PSMA3: variants seen among roughly 807,000 people sequenced by gnomAD.
PSMA3 encodes the protein proteasome subunit alpha type-3.
In PSMA3, 8 loss-of-function variants were observed where a neutral mutation model predicts 40.0. The ratio of observed to expected loss-of-function variants is 0.20; its 90% CI spans 0.12 to 0.36. PSMA3 has a LOEUF of 0.36. PSMA3 is among the 10% of genes least tolerant of loss of function. The pLI is 1.00. For missense variants in PSMA3, 219 were observed against 310.6 expected (o/e 0.70, Z 2.22); for synonymous variants, 110 against 100.0 (o/e 1.10, Z -0.59).
intron 5 of PSMA3, among the ~76,000 whole-genome samples, chr14:58,259,631 A>G (rs565730558): frequency 6.6e-6 from 1 of 152,250 alleles, no homozygotes; most frequent in South Asian, 2.1e-4. Context: ...TTTTTAGTAA[A>G]CATCTATTGG....
intron 3 of PSMA3, among the ~76,000 whole-genome samples, chr14:58,253,145 C>G (rs1890052138): frequency 6.6e-6 from 1 of 152,004 alleles, no homozygotes; most frequent in Non-Finnish European, 1.5e-5. Flanking sequence ...CTACCATGCC[C>G]AGCTAATTTT....
chr14:58,271,265 A>AC (rs1445631085), intron 10 of PSMA3, among the ~76,000 whole-genome samples: 2 of 151,514 alleles, frequency 1.3e-5, no homozygotes, highest in Non-Finnish European at 2.9e-5. Flanking sequence ...CAAAAAAAAA[A>AC]AACTTGGGAG....
chr14:58,254,565 G>A (rs1199313986), intron 3 of PSMA3, among the ~76,000 whole-genome samples: 5 of 150,970 alleles, frequency 3.3e-5, no homozygotes, highest in Non-Finnish European at 5.9e-5. Flanking sequence ...TGAACTCCTG[G>A]GCTCAAGCGA....
chr14:58,270,807 A>T, intron 9 of PSMA3, 127 bp from the exon 10 acceptor site: 1 of 841,374 alleles, frequency 1.2e-6, no homozygotes, highest in Non-Finnish European at 1.8e-6. Flanking sequence ...TTCGAGTATT[A>T]CTCATAGTAC....
intron 8 of PSMA3, 26 bp downstream of exon 8, chr14:58,267,546 C>T: frequency 6.4e-7 from 1 of 1,557,694 alleles, no homozygotes; most frequent in Non-Finnish European, 8.6e-7. Flanking sequence ...TCTTACCATC[C>T]ACAAAAATAT....
At chr14:58,252,294 G>T (rs1566638546) in intron 3 of PSMA3, 52 bp downstream of exon 3, 8 of 1,576,676 alleles carry the variant, frequency 5.1e-6, no homozygotes, top group Non-Finnish European at 6.9e-6. Flanking sequence ...TTCTTTTGAA[G>T]TAACTGATTG....
intron 7 of PSMA3, chr14:58,266,798 T>C (rs1034126231): frequency 1.3e-5 from 2 of 152,224 alleles, no homozygotes; most frequent in African/African-American, 4.8e-5. Flanking sequence ...CATCTTTCTG[T>C]ATCTTGCATA....
At chr14:58,271,733 C>A in intron 10 of PSMA3, 118 bp from the exon 11 acceptor site, 1 of 700,194 alleles carries the variant, frequency 1.4e-6, no homozygotes, top group Non-Finnish European at 2.5e-6. Flanking sequence ...ACTGTTCATT[C>A]AGTTACAAGT....
At chr14:58,263,015 C>A (rs1258686025) in intron 6 of PSMA3, among the ~76,000 whole-genome samples, 1 of 142,874 alleles carries the variant, frequency 7.0e-6, no homozygotes, top group African/African-American at 2.6e-5. Flanking sequence ...TGGAGTCTCA[C>A]TCTGTTGCCC....
intron 3 of PSMA3, among the ~76,000 whole-genome samples, chr14:58,253,972 T>C (rs1890077381): frequency 6.6e-6 from 1 of 152,000 alleles, no homozygotes; most frequent in Non-Finnish European, 1.5e-5. Flanking sequence ...TTTTTTGTTG[T>C]TGTTGTTGTA....
At chr14:58,260,031 G>A (rs1890236814) in intron 5 of PSMA3, among the ~76,000 whole-genome samples, 2 of 152,196 alleles carry the variant, frequency 1.3e-5, no homozygotes, top group South Asian at 4.1e-4. Flanking sequence ...TGACGGTAGG[G>A]ATGGGAATTG....
At chr14:58,249,948 G>A (rs540292694) in intron 2 of PSMA3, among the ~76,000 whole-genome samples, 2 of 152,290 alleles carry the variant, frequency 1.3e-5, no homozygotes, top group South Asian at 2.1e-4. Context: ...CCTGCTGGGC[G>A]TGAGCCACGC....
chr14:58,261,506 C>G (rs753012453), intron 6 of PSMA3, among the ~76,000 whole-genome samples: 1 of 152,022 alleles, frequency 6.6e-6, no homozygotes, highest in Admixed American at 6.6e-5. Context: ...ATAACTGATA[C>G]GAGGCAGAGG....
intron 7 of PSMA3, among the ~76,000 whole-genome samples, chr14:58,264,171 G>T (rs1486757988): frequency 6.6e-6 from 1 of 152,158 alleles, no homozygotes; most frequent in Non-Finnish European, 1.5e-5. Context: ...CTTTTGATAT[G>T]ATTTCACAAA....
chr14:58,271,120 ATTCTC>A, intron 10 of PSMA3, 122 bp downstream of exon 10: 1 of 525,216 alleles, frequency 1.9e-6, no homozygotes, highest in Non-Finnish European at 3.2e-6. Flanking sequence ...AAAAAAAAAA[ATTCTC>A]TAACCAAAAT....
At chr14:58,257,689 G>A in intron 3 of PSMA3, 56 bp from the exon 4 acceptor site, 1 of 1,438,986 alleles carries the variant, frequency 6.9e-7, no homozygotes, top group Non-Finnish European at 9.7e-7. Flanking sequence ...ATTAATTGCA[G>A]ACTTTGATTT....
At chr14:58,260,615 TC>T (rs1890254905) in intron 5 of PSMA3, among the ~76,000 whole-genome samples, 1 of 152,238 alleles carries the variant, frequency 6.6e-6, no homozygotes, top group Non-Finnish European at 1.5e-5. Flanking sequence ...GGAATTTTGT[TC>T]CCTTGATCTT....
Position 58,271,841 on chromosome 14 carries a change from C to T in PSMA3, c.724-10C>T. The T allele has an allele frequency of 6.3e-7, 1 of 1,592,312 alleles. No individual in the cohort carries two copies. Among genetic ancestry groups the T allele is most frequent in the African/African-American group, 1.3e-5 (1 of 74,584 alleles). ...AAAATCAATTTTAAACACCTGTTTTCTCTTAACAGGAATCTCTGAAGGAAG... is the reference window on the plus strand; with the variant it reads ...AAAATCAATTTTAAACACCTGTTTTTTCTTAACAGGAATCTCTGAAGGAAG... On this transcript the variant is annotated splice_polypyrimidine_tract_variant and intron_variant, in intron 10 of 10. Transcript: ENST00000216455.
chr14:58,267,667 C>G, intron 8 of PSMA3, 147 bp downstream of exon 8: 1 of 1,237,630 alleles, frequency 8.1e-7, no homozygotes, highest in East Asian at 3.4e-5. Flanking sequence ...TAAGAAGCCT[C>G]ACGAAGGAAG....
Sources: allele counts gnomAD v4.1 joint callset (sites outside exome capture counted in the v4.1 genomes callset), GRCh38; gene constraint gnomAD v4.1.1; transcripts MANE v1.5; gene names NCBI Gene and HGNC (gene_info 2026-07-23, HGNC 2026-07-21).